Variants in TTC6 observed in about 807,000 individuals in gnomAD.
TTC6 encodes the protein tetratricopeptide repeat domain 6.
TTC6 carries 172 observed loss-of-function variants against 210.4 expected under a neutral mutation model. The ratio of observed to expected loss-of-function variants is 0.82; its 90% confidence interval spans 0.72 to 0.93. TTC6 has a LOEUF of 0.93. Among genes scored for constraint, TTC6 ranks in the 40% least tolerant of loss-of-function variants. The pLI is 0.00. For missense variants in TTC6, 2,414 were observed against 2,318.1 expected, an observed-to-expected ratio of 1.04 and a Z score of -0.85; for synonymous variants, 804 against 819.6, an observed-to-expected ratio of 0.98 and a Z score of 0.32.
intron 16 of TTC6, among the ~76,000 whole-genome samples, chr14:37,791,826 T>C (rs1479684204): frequency 6.6e-6 from 1 of 152,128 alleles, no homozygotes; most frequent in Non-Finnish European, 1.5e-5. Flanking sequence ...ACAGAAAAGC[T>C]GTGTTAATAT....
chr14:37,729,958 A>C (rs2095881752), intron 7 of TTC6, among the ~76,000 whole-genome samples: 1 of 152,160 alleles, frequency 6.6e-6, no homozygotes, highest in African/African-American at 2.4e-5. Context: ...ACTGGTGACC[A>C]TGGAGTAACC....
chr14:37,796,795 G>A (rs754853798), exon 20 of TTC6: 1 of 1,597,502 alleles, frequency 6.3e-7, no homozygotes, highest in South Asian at 1.2e-5. Context: ...AGGTCTCAGT[G>A]AGTTGAGTCC....
At chr14:37,711,716 T>C (rs995323543) in intron 5 of TTC6, among the ~76,000 whole-genome samples, 28 of 151,942 alleles carry the variant, frequency 1.8e-4, no homozygotes, top group Admixed American at 1.8e-3. Flanking sequence ...CAGTGAGATG[T>C]TTGCAGAGGG....
At chr14:37,734,272 T>C (rs1198222355) in intron 7 of TTC6, among the ~76,000 whole-genome samples, 1 of 152,200 alleles carries the variant, frequency 6.6e-6, no homozygotes, top group Non-Finnish European at 1.5e-5. Context: ...TCTGAGGGTG[T>C]ACCCCTGTGG....
intron 6 of TTC6, among the ~76,000 whole-genome samples, chr14:37,723,441 A>G (rs1489774032): frequency 1.3e-5 from 2 of 152,210 alleles, no homozygotes; most frequent in Non-Finnish European, 2.9e-5. Flanking sequence ...AAACATCTGT[A>G]TCTATAGTAA....
At chr14:37,840,565 A>G (rs1193066783) in intron 29 of TTC6, among the ~76,000 whole-genome samples, 5 of 152,322 alleles carry the variant, frequency 3.3e-5, no homozygotes, top group African/African-American at 2.4e-5. Context: ...TTTTAGGCCA[A>G]TATCCCTGAT....
intron 5 of TTC6, among the ~76,000 whole-genome samples, chr14:37,704,285 C>A (rs964097612): frequency 1.1e-4 from 17 of 152,060 alleles, no homozygotes; most frequent in African/African-American, 4.1e-4. Context: ...GAACTCCTAG[C>A]CTTAAGTGAT....
chr14:37,840,455 A>G (rs928092323), intron 29 of TTC6, among the ~76,000 whole-genome samples: 1 of 152,232 alleles, frequency 6.6e-6, no homozygotes, highest in East Asian at 1.9e-4. Context: ...ATTCCACTCA[A>G]TAGAAAGAGA....
intron 27 of TTC6, among the ~76,000 whole-genome samples, chr14:37,825,447 G>A (rs1015327979): frequency 3.3e-5 from 5 of 152,014 alleles, no homozygotes; most frequent in African/African-American, 1.2e-4. Flanking sequence ...GTCAGCTTCC[G>A]AGATCTGGCA....
chr14:37,694,561 A>G (rs1341823088), intron 3 of TTC6, among the ~76,000 whole-genome samples: 1 of 152,178 alleles, frequency 6.6e-6, no homozygotes, highest in African/African-American at 2.4e-5. Flanking sequence ...TGATACAGCA[A>G]TCCCGCTGCT....
intron 1 of TTC6, among the ~76,000 whole-genome samples, chr14:37,675,985 A>C (rs1304700557): frequency 6.6e-6 from 1 of 152,124 alleles, no homozygotes; most frequent in East Asian, 1.9e-4. Flanking sequence ...TAATTCACAG[A>C]GTTTTATGAT....
intron 14 of TTC6, among the ~76,000 whole-genome samples, chr14:37,787,194 G>A (rs184459767): frequency 7.2e-5 from 11 of 152,110 alleles, no homozygotes; most frequent in South Asian, 4.2e-4. Flanking sequence ...ATTGACATAC[G>A]TCCTTGATAA....
intron 16 of TTC6, 64 bp from the exon 19 acceptor site, chr14:37,792,200 A>G: frequency 7.9e-7 from 1 of 1,273,706 alleles, no homozygotes; most frequent in Non-Finnish European, 1.1e-6. Flanking sequence ...TTTATTCCTA[A>G]TTGGAGAACA....
chr14:37,750,053 T>A (rs1272061406), intron 12 of TTC6, among the ~76,000 whole-genome samples: 1 of 152,196 alleles, frequency 6.6e-6, no homozygotes, highest in Non-Finnish European at 1.5e-5. Context: ...GTTATTGTCC[T>A]TGATATATAT....
chr14:37,824,153 C>G (rs767196726), intron 27 of TTC6, among the ~76,000 whole-genome samples, 196 bp downstream of exon 29: 1 of 152,176 alleles, frequency 6.6e-6, no homozygotes, highest in Admixed American at 6.6e-5. Flanking sequence ...CTGGATCAGC[C>G]TGGGGAGCTG....
At chr14:37,730,621 T>A (rs565253431) in intron 7 of TTC6, among the ~76,000 whole-genome samples, 2 of 152,238 alleles carry the variant, frequency 1.3e-5, no homozygotes, top group Non-Finnish European at 2.9e-5. Flanking sequence ...TTTTCCTTAT[T>A]ATATTTTTGA....
intron 14 of TTC6, chr14:37,772,616 G>A (rs561409294): frequency 6.5e-6 from 1 of 153,320 alleles, no homozygotes; most frequent in Non-Finnish European, 1.5e-5. Flanking sequence ...GGAACTCCCT[G>A]ACCCCTTGCG....
chr14:37,727,920 T>C (rs2095876957), intron 7 of TTC6, among the ~76,000 whole-genome samples: 3 of 152,198 alleles, frequency 2.0e-5, no homozygotes, highest in Admixed American at 2.0e-4. Context: ...GTGCTAGATA[T>C]CCCAATATCT....
intron 29 of TTC6, among the ~76,000 whole-genome samples, chr14:37,829,315 A>G (rs1257227284): frequency 6.6e-6 from 1 of 151,938 alleles, no homozygotes. Context: ...ATGTAATGCA[A>G]GTGTGTTTAT....
Sources: gnomAD v4.1 joint callset for allele counts (sites outside exome capture counted in the v4.1 genomes callset) on GRCh38, gnomAD v4.1.1 for gene constraint, MANE v1.5 for transcripts, NCBI Gene and HGNC (gene_info 2026-07-23, HGNC 2026-07-21) for gene names.